Variants in SMARCD3 observed in about 807,000 individuals in gnomAD.
The protein encoded by SMARCD3 is SWI/SNF-related matrix-associated actin-dependent regulator of chromatin subfamily D member 3.
SMARCD3 carries 14 observed loss-of-function variants against 58.0 expected under a neutral mutation model. The observed-to-expected ratio is 0.24, with a 90% CI of 0.16 to 0.38. The LOEUF (loss-of-function observed/expected upper bound fraction) is 0.38. Among genes scored for constraint, SMARCD3 ranks in the 10% least tolerant of loss-of-function variants. The probability of loss-of-function intolerance (pLI) is 1.00; values close to 1 mark genes in which losing one functional copy is unlikely to be tolerated. For missense variants in SMARCD3, 408 were observed against 636.9 expected (o/e 0.64, Z 3.87); for synonymous variants, 253 against 253.8 (o/e 1.00, Z 0.03).
Position 151,242,216 on chromosome 7 carries a change from C to T in SMARCD3, c.596G>A (p.Arg199Gln), listed in dbSNP as rs755060310. Reference protein sequence around the residue: ...KLLDDPSKQKRKFSSFFKSLV... With the variant: ...KLLDDPSKQKQKFSSFFKSLV... ...ACTCTTGAAGAAAGAAGAGAACTTC[C>T]GCTTCTGTTTGCTGGGCTGTGGGAG... The change falls in exon 6 of 13, where the codon CGG becomes CAG. Residue 199 changes from arginine (R) to glutamine (Q), a missense_variant. Physicochemically the swap from Arg to Gln is conservative, Grantham distance 43 (BLOSUM62 1). This residue lies in a region of SMARCD3 where 128 missense variants were observed against 188.8 expected (regional missense o/e 0.68). Transcript: ENST00000262188. This position sits in a 1 kb window ranked among gnomAD's most constrained non-coding sequence, Gnocchi z 4.7. 8 of 1,613,828 alleles carry T rather than the reference C, an allele frequency of 5.0e-6. No homozygotes were observed. The highest frequency in any genetic ancestry group is 2.2e-5 in the South Asian group (2 of 91,090).
At chr7:151,240,689 C>G in intron 8 of SMARCD3, 167 bp from the exon 9 acceptor site, 153 of 354,404 alleles carry the variant, frequency 4.3e-4, no homozygotes, top group Middle Eastern at 1.1e-3. Context: ...GTGGAGCCAC[C>G]GGTATGGCTG....
At chr7:151,257,138 G>T (rs142503384) in intron 2 of SMARCD3, among the ~76,000 whole-genome samples, 1 of 152,048 alleles carries the variant, frequency 6.6e-6, no homozygotes, top group South Asian at 2.1e-4. Flanking sequence ...TGATCCTCCC[G>T]CCTCAGCCTC....
rs762148235 is a variant in SMARCD3, at chr7:151,241,853, C to T, written c.777+24G>A. ...CCCTGAGGGCCTTGTGTGGCGTGTA[C>T]GGGGCAGCATGGCAGGTGCAGACCT... On this transcript the variant is annotated intron_variant, in intron 7 of 12. Transcript: ENST00000262188. This position sits in a 1 kb window ranked among gnomAD's most constrained non-coding sequence, Gnocchi z 5.3. The T allele has an allele frequency of 1.3e-5, 20 of 1,584,644 alleles. No homozygotes were observed. The highest frequency in any genetic ancestry group is 7.9e-5 in the South Asian group (7 of 88,726).
chr7:151,240,430 G>C lies in SMARCD3; in HGVS notation c.1032C>G (p.Val344=), dbSNP rs1802919585. Residue 344 remains valine, a synonymous_variant, in exon 9 of 13, where the codon GTC becomes GTG. Coordinates refer to ENST00000262188, the MANE Select transcript of SMARCD3 (RefSeq NM_001003801.2). ...LPPDPIVINH[V]ISVDPSDQKK... ...GCAAGCTGGGGCCACCTCACCTGAT[G>C]ACATGGTTGATGACAATTGGGTCAG... 2 of 1,613,186 alleles carry C rather than the reference G, an allele frequency of 1.2e-6. No individual in the cohort carries two copies. Among genetic ancestry groups the C allele is most frequent in the South Asian group, 2.2e-5 (2 of 90,952 alleles).
chr7:151,274,913 G>C lies in SMARCD3; in HGVS notation c.39+201C>G, dbSNP rs114242599. ...ACACGCAGGAAAGGGAGTGTGGGATGGAGGGAAGGACATTAATGACAGGTG... is the reference window on the plus strand; with the variant it reads ...ACACGCAGGAAAGGGAGTGTGGGATCGAGGGAAGGACATTAATGACAGGTG... On this transcript the variant is annotated intron_variant, in intron 2 of 13. Transcript: ENST00000356800. Among the ~76,000 whole-genome samples, 280 of 152,326 alleles carry C rather than the reference G, an allele frequency of 1.8e-3. 4 individuals are homozygous for C. Among genetic ancestry groups the C allele is most frequent in the African/African-American group, 6.4e-3 (266 of 41,574 alleles).
chr7:151,249,908 G>T (rs980486101), upstream of SMARCD3, among the ~76,000 whole-genome samples: 14 of 148,322 alleles, frequency 9.4e-5, no homozygotes, highest in African/African-American at 3.5e-4. The surrounding 1 kb of genome is among the most constrained non-coding windows in gnomAD (Gnocchi z 4.8). Context: ...GTCCCCAAAG[G>T]CCACGCCCCT....
In SMARCD3 at chr7:151,245,491, G is replaced by C. The variant is rs1367466591; in HGVS notation, c.259C>G (p.Pro87Ala). Reference sequence around the variant, plus strand: ...CTCCGCGCGGGGGCGGTGGGCACCGGCTGGCCCTGGCTCTGTGCCTGGCTC... The same window carrying C: ...CTCCGCGCGGGGGCGGTGGGCACCGCCTGGCCCTGGCTCTGTGCCTGGCTC... ...GQSQAQSQGQ[P>A]VPTAPARSRS... is the part of the protein sequence containing the mutation. The change falls in exon 2 of 13, where the codon CCG (proline) becomes GCG (alanine). Residue 87 changes from proline (P) to alanine (A), a missense_variant. Around this residue, in one of 4 missense-constraint regions of SMARCD3, gnomAD observed 128 missense variants for 188.8 expected, o/e 0.68. Transcript: ENST00000262188. The surrounding 1 kb of genome is among the most constrained non-coding windows in gnomAD (Gnocchi z 6.2). 2.4e-6 allele frequency: 3 copies of C among 1,224,954 alleles called. No homozygotes were observed. The highest frequency in any genetic ancestry group is 4.3e-5 in the Admixed American group (1 of 23,498). 75.9% of individuals were successfully genotyped at this position (1,224,954 alleles called of 1,614,324 possible).
intron 8 of SMARCD3, chr7:151,240,773 G>T: frequency 4.0e-6 from 2 of 505,696 alleles, no homozygotes; most frequent in Non-Finnish European, 7.1e-6. Context: ...TTATGTATCA[G>T]TCCTGCCTCT....
chr7:151,255,002 C>T (rs1563675674), intron 2 of SMARCD3, among the ~76,000 whole-genome samples: 2 of 152,190 alleles, frequency 1.3e-5, no homozygotes, highest in Non-Finnish European at 2.9e-5. Context: ...GGAAGTGCTG[C>T]GCGGACTCGT....
At chr7:151,265,615 C>T (rs115834445) in intron 2 of SMARCD3, among the ~76,000 whole-genome samples, 65 of 152,318 alleles carry the variant, frequency 4.3e-4, no homozygotes, top group African/African-American at 1.2e-3. Flanking sequence ...CTGGTTTGCC[C>T]GATGAAAGCA....
rs1802986809 is a variant in SMARCD3 at position 151,241,561 on chromosome 7, A to G, written c.870T>C (p.Tyr290=). The G allele has an allele frequency of 6.2e-7, 1 of 1,611,708 alleles. No individual in the cohort carries two copies. Among genetic ancestry groups the G allele is most frequent in the Non-Finnish European group, 8.5e-7 (1 of 1,179,016 alleles). ...RSAIVQALWQ[Y]VKTNRLQDSH... is the part of the protein sequence containing the mutation. ...AGTCCTGCAGCCTGTTGGTCTTCAC[A>G]TACTGCCACAGGGCCTGGACAATGG... is the stretch of plus-strand genomic sequence containing the variant. Residue 290 remains tyrosine (Y), a synonymous_variant, in exon 8 of 13, where the codon TAT becomes TAC. Coordinates refer to ENST00000262188, the MANE Select transcript of SMARCD3 (RefSeq NM_001003801.2). This position sits in a 1 kb window ranked among gnomAD's most constrained non-coding sequence, Gnocchi z 5.3.
intron 1 of SMARCD3, among the ~76,000 whole-genome samples, chr7:151,276,094 G>A (rs1795330660): frequency 6.6e-6 from 1 of 151,148 alleles, no homozygotes; most frequent in Non-Finnish European, 1.5e-5. Flanking sequence ...AGTGGGAGGG[G>A]AGGATGAGGA....
intron 2 of SMARCD3, among the ~76,000 whole-genome samples, chr7:151,274,570 A>G (rs1316903191): frequency 6.6e-6 from 1 of 152,228 alleles, no homozygotes; most frequent in Non-Finnish European, 1.5e-5. Flanking sequence ...TCCTGCCACA[A>G]GCGGAACCCT....
At chr7:151,240,340 G>T in intron 9 of SMARCD3, 85 bp downstream of exon 9, 1 of 1,598,672 alleles carries the variant, frequency 6.3e-7, no homozygotes, top group Non-Finnish European at 8.6e-7. Flanking sequence ...AGGGAGAAGA[G>T]ATGGGAGTGG....
At position 151,241,463 on chromosome 7, in the gene SMARCD3, C is replaced by A. The variant is rs1217023174; in HGVS notation, c.939+29G>T. ...CTGCTGGAGAACTCCGCCTGCTCCC[C>A]AGATCCCAGGGTTCAGGAGAGAGGT... On this transcript the variant is annotated intron_variant, in intron 8 of 12. Coordinates refer to ENST00000262188, the MANE Select transcript of SMARCD3 (RefSeq NM_001003801.2). The surrounding 1 kb of genome is among the most constrained non-coding windows in gnomAD (Gnocchi z 5.3). 9 of 1,602,664 alleles carry A rather than the reference C, an allele frequency of 5.6e-6. No individual in the cohort carries two copies. The highest frequency in any genetic ancestry group is 7.7e-6 in the Non-Finnish European group (9 of 1,173,468).
intron 2 of SMARCD3, among the ~76,000 whole-genome samples, chr7:151,267,451 G>A (rs926992431): frequency 1.3e-5 from 2 of 152,172 alleles, no homozygotes; most frequent in Non-Finnish European, 2.9e-5. Flanking sequence ...TCCCCCATTC[G>A]TTATCGAATG....
rs200455503 is a variant in SMARCD3 at position 151,240,202 on chromosome 7, G to A, written c.1083C>T (p.Asp361=). 2.0e-5 allele frequency: 33 copies of A among 1,614,066 alleles called. No individual in the cohort carries two copies. The highest frequency in any genetic ancestry group is 1.6e-4 in the Middle Eastern group (1 of 6,062). The change falls in exon 10 of 13, where the codon GAC becomes GAT. Residue 361 remains aspartate (D), a synonymous_variant. Coordinates refer to ENST00000262188, the MANE Select transcript of SMARCD3 (RefSeq NM_001003801.2). Reference sequence around the variant, plus strand: ...CCTTTAATGGCTCCTCCACCTCCACGTCAATGTCATAGCACGCCGTCTTCT... The same window carrying A: ...CCTTTAATGGCTCCTCCACCTCCACATCAATGTCATAGCACGCCGTCTTCT... ...DQKKTACYDI[D]VEVEEPLKGQ... is the part of the protein sequence containing the mutation.
rs1803100098 is a variant in SMARCD3, at chr7:151,243,482, T to C, written c.333+177A>G. The stretch of plus-strand genomic sequence containing the variant: ...TGTGTTCTGGCCCCAGTGGCTCTGC[T>C]GCTTCCCTCCACCTCACCCCCTCCC... On this transcript the variant is annotated intron_variant, in intron 3 of 12. Coordinates refer to ENST00000262188, the MANE Select transcript of SMARCD3 (RefSeq NM_001003801.2). The surrounding 1 kb of genome is among the most constrained non-coding windows in gnomAD (Gnocchi z 4.4). Among the ~76,000 whole-genome samples, 1 of 152,184 alleles carries C rather than the reference T, an allele frequency of 6.6e-6. No homozygotes were observed. The highest frequency in any genetic ancestry group is 1.5e-5 in the Non-Finnish European group (1 of 68,022).
In SMARCD3 at chr7:151,239,076, TC is replaced by T; in HGVS notation, c.*26del. 1 of 1,612,988 alleles carries T rather than the reference TC, an allele frequency of 6.2e-7. No homozygotes were observed. Among genetic ancestry groups the T allele is most frequent in the Non-Finnish European group, 8.5e-7 (1 of 1,178,992 alleles). ...TGGGGCCCGGGACACGGCTGAAAGT[TC>T]CGTCGTGCTGCTTATTTTTGGGCTC... On this transcript the variant is annotated 3_prime_UTR_variant, in exon 13 of 13. Coordinates refer to ENST00000262188, the MANE Select transcript of SMARCD3 (RefSeq NM_001003801.2). The surrounding 1 kb of genome is among the most constrained non-coding windows in gnomAD (Gnocchi z 7.0).
Sources: gnomAD v4.1 joint callset for allele counts (sites outside exome capture counted in the v4.1 genomes callset) on GRCh38, gnomAD v4.1.1 for gene constraint, gnomAD v4.1.1 regional missense constraint, Gnocchi (gnomAD v3.1) non-coding constraint, MANE v1.5 for transcripts, NCBI Gene and HGNC (gene_info 2026-07-23, HGNC 2026-07-21) for gene names.